Variants in PTGER3 observed in about 807,000 individuals in gnomAD.
PTGER3 encodes the protein prostaglandin E2 receptor EP3 subtype.
A neutral mutation model predicts 34.7 loss-of-function variants in PTGER3; 22 were observed. The observed-to-expected ratio is 0.63, with a 90% CI of 0.45 to 0.91. The LOEUF is 0.91. Among genes scored for constraint, PTGER3 ranks in the 40% least tolerant of loss-of-function variants. The pLI, the probability that PTGER3 is intolerant of heterozygous loss-of-function variation, is 0.00. For missense variants in PTGER3, 468 were observed against 519.4 expected (o/e 0.90, Z 0.96); for synonymous variants, 241 against 230.1 (o/e 1.05, Z -0.43).
chr1:70,953,023 C>T lies in PTGER3; in HGVS notation c.1141G>A (p.Ala381Thr), dbSNP rs1206889434. 11 of 1,610,474 alleles carry T rather than the reference C, an allele frequency of 6.8e-6. No individual in the cohort carries two copies. The South Asian group carries it at 9.9e-5, about 15-fold the overall frequency. The change falls in exon 4 of 4, where the codon GCA becomes ACA. Residue 381 changes from alanine to threonine, a missense_variant. By Grantham distance (58) the Ala-to-Thr change is moderately conservative (BLOSUM62 0). Coordinates refer to the PTGER3 transcript ENST00000356595. ...TGTACTTGCCCACAATGTGCAGTTG[C>T]CCTCTGTATCTGAGAGTTCTGCAAA...
intron 4 of PTGER3, among the ~76,000 whole-genome samples, chr1:70,869,520 A>G (rs1646118718): frequency 6.6e-6 from 1 of 152,178 alleles, no homozygotes; most frequent in Admixed American, 6.5e-5. Flanking sequence ...TCTAAGTCCA[A>G]AGTTTCATCT....
In PTGER3 at chr1:70,971,299, G is replaced by T. The variant is rs758953276; in HGVS notation, c.*431C>A. On this transcript the variant is annotated 3_prime_UTR_variant, in exon 4 of 4. Coordinates refer to ENST00000306666, the MANE Select transcript of PTGER3 (RefSeq NM_198719.2). Reference sequence around the variant, plus strand: ...TTAATTGAATTATCACTCTCAATATGTTGACTTTTCACCATCATAAGCTTA... The same window carrying T: ...TTAATTGAATTATCACTCTCAATATTTTGACTTTTCACCATCATAAGCTTA... 1 of 987,386 alleles carries T rather than the reference G, an allele frequency of 1.0e-6. No homozygotes were observed. Among genetic ancestry groups the T allele is most frequent in the Non-Finnish European group, 1.2e-6 (1 of 831,392 alleles). The allele number at this position is 987,386 out of a possible 1,614,324, so 61.2% of individuals were successfully genotyped here.
intron 4 of PTGER3, among the ~76,000 whole-genome samples, chr1:70,928,251 T>C (rs1338563406): frequency 6.6e-6 from 1 of 150,492 alleles, no homozygotes; most frequent in Non-Finnish European, 1.5e-5. Context: ...TGAAAACTAC[T>C]GCCTTGTATA....
At chr1:70,875,727 G>T (rs565989955) in intron 4 of PTGER3, among the ~76,000 whole-genome samples, 1 of 152,062 alleles carries the variant, frequency 6.6e-6, no homozygotes, top group South Asian at 2.1e-4. Flanking sequence ...TGGCATTTGG[G>T]TTTCTTTTTC....
At chr1:70,907,739 C>T (rs972254119) in intron 4 of PTGER3, among the ~76,000 whole-genome samples, 1 of 152,200 alleles carries the variant, frequency 6.6e-6, no homozygotes, top group Admixed American at 6.5e-5. Flanking sequence ...AATGTGTCTC[C>T]CTCAGTTCAC....
At chr1:71,015,094 C>G (rs1402803315) in intron 1 of PTGER3, among the ~76,000 whole-genome samples, 2 of 152,090 alleles carry the variant, frequency 1.3e-5, no homozygotes, top group East Asian at 3.9e-4. Flanking sequence ...TTTTTCTACC[C>G]CTGCAACACT....
chr1:71,028,958 A>C (rs950624435), intron 1 of PTGER3, among the ~76,000 whole-genome samples: 1 of 152,228 alleles, frequency 6.6e-6, no homozygotes, highest in South Asian at 2.1e-4. Flanking sequence ...AGAATGAAAA[A>C]GATTTGAGTT....
chr1:70,872,027 GC>G (rs1557619032), intron 4 of PTGER3, among the ~76,000 whole-genome samples: 1 of 152,190 alleles, frequency 6.6e-6, no homozygotes, highest in Non-Finnish European at 1.5e-5. Flanking sequence ...AATAGCTTTG[GC>G]CTCAAACACG....
intron 2 of PTGER3, among the ~76,000 whole-genome samples, chr1:70,957,634 A>C (rs893082444): frequency 6.6e-5 from 10 of 152,318 alleles, no homozygotes; most frequent in African/African-American, 2.4e-4. Flanking sequence ...GCACATGTAC[A>C]TAGTGTAATG....
chr1:71,012,537 C>G (rs2100858948), intron 1 of PTGER3, 53 bp from the exon 2 acceptor site: 1 of 1,455,350 alleles, frequency 6.9e-7, no homozygotes, highest in South Asian at 1.2e-5. Flanking sequence ...TCATATGCAT[C>G]TCCTCTACAC....
intron 1 of PTGER3, among the ~76,000 whole-genome samples, chr1:71,039,314 G>A (rs968739911): frequency 2.6e-5 from 4 of 152,100 alleles, no homozygotes; most frequent in African/African-American, 7.2e-5. Context: ...ACAGGGCTGA[G>A]AGAATGCAGA....
chr1:71,042,162 A>G (rs748363771), intron 1 of PTGER3, among the ~76,000 whole-genome samples: 3 of 151,692 alleles, frequency 2.0e-5, no homozygotes, highest in Non-Finnish European at 4.4e-5. Flanking sequence ...TGATAAACTC[A>G]AAAGAGTGAA....
intron 4 of PTGER3, among the ~76,000 whole-genome samples, chr1:70,864,448 G>GA (rs1462546945): frequency 6.6e-6 from 1 of 152,054 alleles, no homozygotes; most frequent in Admixed American, 6.6e-5. Context: ...AGTTACCATA[G>GA]AAAAAAATTA....
At chr1:70,898,016 A>C (rs34999609) in intron 4 of PTGER3, among the ~76,000 whole-genome samples, 20,727 of 151,594 alleles carry the variant, frequency 0.14, 2,935 homozygotes, top group East Asian at 0.43. Context: ...AAAAAAAGTG[A>C]GGGTTGGGGA....
At chr1:71,036,149 G>A (rs1476008445) in intron 1 of PTGER3, among the ~76,000 whole-genome samples, 1 of 152,198 alleles carries the variant, frequency 6.6e-6, no homozygotes, top group African/African-American at 2.4e-5. Flanking sequence ...GGGAAATTGT[G>A]TGGTATACCA....
intron 4 of PTGER3, among the ~76,000 whole-genome samples, chr1:70,928,632 G>GA (rs1014727919): frequency 1.8e-4 from 27 of 151,976 alleles, no homozygotes; most frequent in Admixed American, 7.2e-4. Context: ...AACCCCGTCT[G>GA]AAAACAAAAC....
At chr1:71,011,882 G>A (rs2100856112) in intron 2 of PTGER3, 1 of 1,062,348 alleles carries the variant, frequency 9.4e-7, no homozygotes, top group African/African-American at 1.7e-5. Flanking sequence ...AATTCCTCAT[G>A]TATTCAGTGT....
chr1:71,044,493 T>C (rs985618355), intron 1 of PTGER3, among the ~76,000 whole-genome samples: 3 of 151,856 alleles, frequency 2.0e-5, no homozygotes, highest in Non-Finnish European at 4.4e-5. Context: ...ATTTATTTTG[T>C]TTAATGTTTT....
At chr1:70,913,238 T>G (rs1479926014) in intron 4 of PTGER3, among the ~76,000 whole-genome samples, 1 of 151,984 alleles carries the variant, frequency 6.6e-6, no homozygotes, top group Non-Finnish European at 1.5e-5. Flanking sequence ...CCTATTAATA[T>G]TTCATATTTT....
Sources: allele counts gnomAD v4.1 joint callset (sites outside exome capture counted in the v4.1 genomes callset), GRCh38; gene constraint gnomAD v4.1.1; transcripts MANE v1.5; gene names NCBI Gene and HGNC (gene_info 2026-07-23, HGNC 2026-07-21).